The following PAX3 variants were observed in gnomAD, a reference collection of about 807,000 sequenced individuals.
PAX3 encodes the protein paired box protein Pax-3.
PAX3 carries 14 observed loss-of-function variants against 51.6 expected under a neutral mutation model. The observed-to-expected ratio is 0.27, with a 90% CI of 0.18 to 0.42. The LOEUF is 0.42. Among genes scored for constraint, PAX3 ranks in the 10% least tolerant of loss-of-function variants. The probability of loss-of-function intolerance (pLI) is 1.00; values close to 1 mark genes in which losing one functional copy is unlikely to be tolerated. For synonymous variants in PAX3, 280 were observed against 253.4 expected, an observed-to-expected ratio of 1.11 and a Z score of -1.00; for missense variants, 540 against 642.8, an observed-to-expected ratio of 0.84 and a Z score of 1.73.
chr2:222,233,011 A>C (rs1034318188), intron 4 of PAX3: 2 of 147,804 alleles, frequency 1.4e-5, no homozygotes, highest in African/African-American at 5.1e-5. Flanking sequence ...ACTGTCCCTA[A>C]CTAGAGTCTG....
At chr2:222,247,688 T>A (rs1235207222) in intron 4 of PAX3, among the ~76,000 whole-genome samples, 3 of 152,156 alleles carry the variant, frequency 2.0e-5, no homozygotes, top group African/African-American at 7.2e-5. Context: ...TTTACTCCTA[T>A]ATTCTAATGG....
In PAX3 at chr2:222,298,682, G is replaced by A. The variant is rs770829053; in HGVS notation, c.-67C>T. On this transcript the variant is annotated 5_prime_UTR_variant, in exon 1 of 9. Transcript: ENST00000392070. ...CGAAACGGAAAGGCGAGTGCGGCGC[G>A]GATGACCCTCGGGAACTATCCGGAG... The A allele has an allele frequency of 5.5e-6, 8 of 1,442,566 alleles. No individual in the cohort carries two copies. The highest frequency in any genetic ancestry group is 5.7e-6 in the Non-Finnish European group (6 of 1,048,288). 89.4% of individuals were successfully genotyped at this position (1,442,566 alleles called of 1,614,324 possible). A position where few individuals can be genotyped will look rare whatever the true frequency, so the allele number is the denominator to read the frequency against.
rs57076966 is a variant in PAX3 at position 222,279,304 on chromosome 2, C to CGTGTGTGTGTGT, written c.586+14851_586+14862dup. On this transcript the variant is annotated intron_variant, in intron 4 of 8. Coordinates refer to ENST00000392070, the MANE Select transcript of PAX3 (RefSeq NM_181458.4). ...AGGTAGAGCTGAGTGCAAGCCTGTG[C>CGTGTGTGTGTGT]GTGTGTGTGTGTGTGTGTGTGTGTG... is the stretch of plus-strand genomic sequence containing the variant. Among the ~76,000 whole-genome samples the CGTGTGTGTGTGT allele has an allele frequency of 1.1e-3, 163 of 148,136 alleles. 1 individual carries two copies. Among genetic ancestry groups the CGTGTGTGTGTGT allele is most frequent in the Middle Eastern group, 6.8e-3 (2 of 292 alleles).
intron 3 of PAX3, 120 bp downstream of exon 3, chr2:222,295,408 C>A: frequency 8.2e-7 from 1 of 1,225,722 alleles, no homozygotes; most frequent in South Asian, 1.2e-5. Context: ...TGCAGGGCCT[C>A]GGGAGAGGCC....
chr2:222,283,722 G>C (rs1259138486), intron 4 of PAX3, among the ~76,000 whole-genome samples: 1 of 152,240 alleles, frequency 6.6e-6, no homozygotes, highest in Non-Finnish European at 1.5e-5. Flanking sequence ...GTTCACTGGG[G>C]GCCCGGCTGG....
chr2:222,254,433 A>G (rs1462840883), intron 4 of PAX3, among the ~76,000 whole-genome samples: 1 of 149,950 alleles, frequency 6.7e-6, no homozygotes, highest in Admixed American at 6.7e-5. Context: ...AGGTTACCCT[A>G]AGGGTCTGAA....
chr2:222,292,832 C>T (rs1365844196), intron 4 of PAX3, among the ~76,000 whole-genome samples: 1 of 152,240 alleles, frequency 6.6e-6, no homozygotes, highest in African/African-American at 2.4e-5. Context: ...CCTGCCCAAC[C>T]TGCTGTGGTT....
rs1239384242 is a variant in PAX3, at chr2:222,200,405, T to C, written c.*1003A>G. On this transcript the variant is annotated 3_prime_UTR_variant, in exon 9 of 9. Transcript: ENST00000392070. ...CATAATTATCTGATCTGGTCTCTAATCAAAGGAGCAACCCGGGTGTTGGTT... is the reference window on the plus strand; with the variant it reads ...CATAATTATCTGATCTGGTCTCTAACCAAAGGAGCAACCCGGGTGTTGGTT... 2.2e-5 allele frequency: 5 copies of C among 228,978 alleles called. No individual in the cohort carries two copies. Among genetic ancestry groups the C allele is most frequent in the South Asian group, 1.8e-4 (1 of 5,492 alleles). The allele number at this position is 228,978 out of a possible 1,614,324, so 14.2% of individuals were successfully genotyped here.
At chr2:222,282,543 C>T (rs1385423750) in intron 4 of PAX3, among the ~76,000 whole-genome samples, 1 of 152,188 alleles carries the variant, frequency 6.6e-6, no homozygotes, top group Non-Finnish European at 1.5e-5. Flanking sequence ...TTTTCTTATA[C>T]ATAAACCACT....
intron 4 of PAX3, among the ~76,000 whole-genome samples, chr2:222,246,871 T>C (rs1299807979): frequency 6.6e-6 from 1 of 152,238 alleles, no homozygotes; most frequent in African/African-American, 2.4e-5. Context: ...TTTTCTGAGA[T>C]TATAAAGCAC....
intron 4 of PAX3, among the ~76,000 whole-genome samples, chr2:222,291,367 C>A (rs535098331): frequency 2.0e-5 from 3 of 152,290 alleles, no homozygotes; most frequent in Admixed American, 2.0e-4. Context: ...ATGTATCCAG[C>A]AAGGGTGCAT....
At position 222,220,154 on chromosome 2, in the gene PAX3, C is replaced by T. The variant is rs1692130056; in HGVS notation, c.1159G>A (p.Gly387Ser). The stretch of plus-strand genomic sequence containing the variant: ...ACGGGACTGACCTGAGGTGAGAGGC[C>T]ATTGCCAATGGTGGGGTTCATGGGG... ...SNPMNPTIGN[G>S]LSPQVMGLLT... Residue 387 changes from glycine (G) to serine (S), a missense_variant, in exon 7 of 9, where the codon GGC (glycine) becomes AGC (serine). Physicochemically the swap from Gly to Ser is moderately conservative, Grantham distance 56. Coordinates refer to ENST00000392070, the MANE Select transcript of PAX3 (RefSeq NM_181458.4). 6.2e-7 allele frequency: 1 copy of T among 1,613,572 alleles called. No individual in the cohort carries two copies. Among genetic ancestry groups the T allele is most frequent in the African/African-American group, 1.3e-5 (1 of 74,982 alleles).
At chr2:222,272,465 C>T (rs1407297074) in intron 4 of PAX3, among the ~76,000 whole-genome samples, 1 of 152,182 alleles carries the variant, frequency 6.6e-6, no homozygotes, top group African/African-American at 2.4e-5. Context: ...TTGGGGAAGA[C>T]TTTGTTTTCA....
intron 4 of PAX3, among the ~76,000 whole-genome samples, chr2:222,258,226 G>A (rs1203025486): frequency 6.6e-6 from 1 of 152,182 alleles, no homozygotes. Flanking sequence ...TCTGCGTAAA[G>A]GAAGCAGTCA....
intron 4 of PAX3, among the ~76,000 whole-genome samples, chr2:222,241,581 G>A (rs1256754097): frequency 6.6e-6 from 1 of 152,210 alleles, no homozygotes; most frequent in Non-Finnish European, 1.5e-5. Context: ...ACTTGCTAAA[G>A]AGACAAATCA....
intron 4 of PAX3, among the ~76,000 whole-genome samples, chr2:222,267,134 A>T (rs1189121523): frequency 2.6e-5 from 4 of 152,262 alleles, no homozygotes; most frequent in Non-Finnish European, 5.9e-5. Context: ...GACAAAAAGT[A>T]ACTCAAAGTG....
chr2:222,242,990 G>C (rs917661961), intron 4 of PAX3, among the ~76,000 whole-genome samples: 4 of 152,142 alleles, frequency 2.6e-5, no homozygotes, highest in Non-Finnish European at 4.4e-5. Flanking sequence ...ATGTAAAGGA[G>C]ATAACAAGTT....
intron 3 of PAX3, 37 bp from the exon 4 acceptor site, chr2:222,294,338 C>T (rs768555799): frequency 6.2e-7 from 1 of 1,612,430 alleles, no homozygotes; most frequent in Non-Finnish European, 8.5e-7. Flanking sequence ...AGGGAGCGCA[C>T]ATGGTTGAGA....
At chr2:222,231,007 G>C (rs867302580) in intron 5 of PAX3, among the ~76,000 whole-genome samples, 1 of 152,036 alleles carries the variant, frequency 6.6e-6, no homozygotes, top group South Asian at 2.1e-4. Context: ...TCAGAGAACT[G>C]TCTTAATTGA....
Sources: gnomAD v4.1 joint callset for allele counts (sites outside exome capture counted in the v4.1 genomes callset) on GRCh38, gnomAD v4.1.1 for gene constraint, MANE v1.5 for transcripts, NCBI Gene and HGNC (gene_info 2026-07-23, HGNC 2026-07-21) for gene names.